The following EDDM3A variants were observed in gnomAD, a reference collection of about 807,000 sequenced individuals.
EDDM3A encodes epididymal secretory protein E3-alpha.
For synonymous variants in EDDM3A, 75 were observed against 60.4 expected (o/e 1.24, Z -1.12); for missense variants, 199 against 177.4 (o/e 1.12, Z -0.69).
upstream of EDDM3A, among the ~76,000 whole-genome samples, chr14:20,745,215 G>A (rs1289305546): frequency 8.9e-6 from 1 of 112,544 alleles, no homozygotes; most frequent in African/African-American, 3.6e-5. Context: ...GACAGAGCAA[G>A]ACCCTGTCAA....
upstream of EDDM3A, among the ~76,000 whole-genome samples, chr14:20,742,108 C>T (rs1447603284): frequency 6.6e-6 from 1 of 152,168 alleles, no homozygotes; most frequent in African/African-American, 2.4e-5. Flanking sequence ...TACAGTGTCC[C>T]CAGATCAAGC....
At chr14:20,738,510 CAGT>C in the EDDM3A span, among the ~76,000 whole-genome samples, 1 of 126,232 alleles carries the variant, frequency 7.9e-6, no homozygotes, top group African/African-American at 2.9e-5. Context: ...AATAAATAAA[CAGT>C]AGCTCCTCCT....
intron 1 of EDDM3A, among the ~76,000 whole-genome samples, chr14:20,747,075 A>G (rs994283879): frequency 6.7e-6 from 1 of 149,312 alleles, no homozygotes; most frequent in Admixed American, 6.7e-5. Context: ...AGGCTAAAGC[A>G]TATTTTTAGT....
chr14:20,736,319 A>G, the EDDM3A span, among the ~76,000 whole-genome samples: 21 of 152,296 alleles, frequency 1.4e-4, no homozygotes, highest in African/African-American at 5.1e-4. Context: ...CATGTTGGCC[A>G]GGCTGGTCTC....
chr14:20,744,308 C>G (rs756211254), upstream of EDDM3A, among the ~76,000 whole-genome samples: 2 of 152,204 alleles, frequency 1.3e-5, no homozygotes, highest in African/African-American at 4.8e-5. Flanking sequence ...GACTGCTTCA[C>G]AGGAGTGGGG....
At chr14:20,739,980 G>C in the EDDM3A span, among the ~76,000 whole-genome samples, 1 of 152,090 alleles carries the variant, frequency 6.6e-6, no homozygotes, top group African/African-American at 2.4e-5. Flanking sequence ...CCAGTCTGAA[G>C]ACCCCCACCA....
At chr14:20,738,912 C>A in the EDDM3A span, among the ~76,000 whole-genome samples, 2 of 152,210 alleles carry the variant, frequency 1.3e-5, no homozygotes, top group Admixed American at 1.3e-4. Context: ...ATCTTCTCCA[C>A]TGAGAAGGGT....
chr14:20,744,172 G>A (rs1877516393), upstream of EDDM3A, among the ~76,000 whole-genome samples: 2 of 152,178 alleles, frequency 1.3e-5, no homozygotes, highest in Non-Finnish European at 2.9e-5. Flanking sequence ...CAGAGGCCCA[G>A]AATTGTTCCT....
At chr14:20,745,047 C>T (rs947367125), upstream of EDDM3A, among the ~76,000 whole-genome samples, 1 of 152,104 alleles carries the variant, frequency 6.6e-6, no homozygotes, top group African/African-American at 2.4e-5. Context: ...CATGGTGAAA[C>T]CCTGTCTCTA....
At chr14:20,746,719 G>A (rs1390782567) in intron 1 of EDDM3A, among the ~76,000 whole-genome samples, 1 of 152,196 alleles carries the variant, frequency 6.6e-6, no homozygotes, top group Non-Finnish European at 1.5e-5. Context: ...TGGGGAAAGT[G>A]TTATAAGGAA....
In EDDM3A at chr14:20,748,174, C is replaced by T. The variant is rs1410560591; in HGVS notation, c.*150C>T. ...TTAGAGTTTATGTACCTCGTGATTT[C>T]TTGATACCAAATCTTTGTGTGGTTT... On this transcript the variant is annotated 3_prime_UTR_variant, in exon 2 of 2. Coordinates refer to ENST00000326842, the MANE Select transcript of EDDM3A (RefSeq NM_006683.5). The T allele has an allele frequency of 1.6e-5, 9 of 580,332 alleles. No homozygotes were observed. The allele number at this position is 580,332 out of a possible 1,614,324, so 35.9% of individuals were successfully genotyped here.
At chr14:20,738,340 A>G in the EDDM3A span, among the ~76,000 whole-genome samples, 17 of 152,126 alleles carry the variant, frequency 1.1e-4, no homozygotes, top group Admixed American at 3.3e-4. Context: ...GCGTGGCGAC[A>G]TGTGTCTGTA....
chr14:20,737,122 C>A, the EDDM3A span, among the ~76,000 whole-genome samples: 3 of 148,918 alleles, frequency 2.0e-5, no homozygotes, highest in Admixed American at 6.7e-5. Context: ...GGTGCAATCT[C>A]GGCTCACTGT....
At chr14:20,745,642 C>A (rs1877561645), upstream of EDDM3A, among the ~76,000 whole-genome samples, 1 of 152,142 alleles carries the variant, frequency 6.6e-6, no homozygotes, top group African/African-American at 2.4e-5. Flanking sequence ...CTCTGGTTGT[C>A]TCCTGATAGC....
chr14:20,737,054 CTT>C, the EDDM3A span, among the ~76,000 whole-genome samples: 26 of 109,904 alleles, frequency 2.4e-4, no homozygotes, highest in Non-Finnish European at 3.2e-4. Flanking sequence ...TTTCTTTTTC[CTT>C]TTTTTTTTTT....
At position 20,747,653 on chromosome 14, in the gene EDDM3A, A is replaced by G. The variant is rs1877641027; in HGVS notation, c.73A>G (p.Ser25Gly). The G allele has an allele frequency of 1.2e-6, 2 of 1,614,184 alleles. No individual in the cohort carries two copies. The highest frequency in any genetic ancestry group is 8.5e-7 in the Non-Finnish European group (1 of 1,180,030). ...CATCCTTTGCAGGCTGTGTGTATACAGTAACAACATTTACTGGAGAGAATT... is the reference window on the plus strand; with the variant it reads ...CATCCTTTGCAGGCTGTGTGTATACGGTAACAACATTTACTGGAGAGAATT... ...LCILCRLCVY[S>G]NNIYWREFIK... Residue 25 changes from serine to glycine, a missense_variant, in exon 2 of 2, where the codon AGT becomes GGT. Transcript: ENST00000326842.
the EDDM3A span, among the ~76,000 whole-genome samples, chr14:20,737,240 G>C: frequency 6.6e-6 from 1 of 151,880 alleles, no homozygotes; most frequent in Non-Finnish European, 1.5e-5. Flanking sequence ...ATTTTTAGTA[G>C]AGATGGGGTT....
At chr14:20,742,488 G>A (rs1195379507), upstream of EDDM3A, among the ~76,000 whole-genome samples, 2 of 152,226 alleles carry the variant, frequency 1.3e-5, no homozygotes, top group Non-Finnish European at 2.9e-5. Context: ...GGGAATCCTC[G>A]TGTAACCACG....
chr14:20,740,276 T>C, the EDDM3A span, among the ~76,000 whole-genome samples: 2 of 152,238 alleles, frequency 1.3e-5, no homozygotes, highest in African/African-American at 2.4e-5. Context: ...AGTGGAGAGC[T>C]AGCCTGGAGG....
Sources: gnomAD v4.1 joint callset for allele counts (sites outside exome capture counted in the v4.1 genomes callset) on GRCh38, gnomAD v4.1.1 for gene constraint, MANE v1.5 for transcripts, NCBI Gene and HGNC (gene_info 2026-07-23, HGNC 2026-07-21) for gene names.